The following CDH4 variants were observed in gnomAD, a reference collection of about 807,000 sequenced individuals.
CDH4 encodes cadherin-4.
A neutral mutation model predicts 86.0 loss-of-function variants in CDH4; 33 were observed. The ratio of observed to expected loss-of-function variants is 0.38; its 90% confidence interval spans 0.29 to 0.51. The LOEUF (loss-of-function observed/expected upper bound fraction) is 0.51. Ranked by LOEUF, CDH4 falls within the 20% of genes least tolerant of loss-of-function variation. The probability of loss-of-function intolerance (pLI) is 0.86; values close to 1 mark genes in which losing one functional copy is unlikely to be tolerated. For missense variants in CDH4, 1,114 were observed against 1,307.4 expected, an observed-to-expected ratio of 0.85 and a Z score of 2.28; for synonymous variants, 555 against 549.4, an observed-to-expected ratio of 1.01 and a Z score of -0.14.
intron 2 of CDH4, among the ~76,000 whole-genome samples, chr20:61,361,230 G>C (rs1301455831): frequency 2.0e-5 from 3 of 152,148 alleles, no homozygotes; most frequent in Non-Finnish European, 4.4e-5. Context: ...TTGCTCTGGA[G>C]ACCCTGCTAG....
At chr20:61,590,954 C>T (rs936936222) in intron 2 of CDH4, among the ~76,000 whole-genome samples, 5 of 151,954 alleles carry the variant, frequency 3.3e-5, no homozygotes, top group Admixed American at 2.6e-4. Context: ...GTCTCCACCG[C>T]CAATGCTGAG....
chr20:61,329,088 C>T (rs1283784393), intron 2 of CDH4, among the ~76,000 whole-genome samples: 2 of 152,184 alleles, frequency 1.3e-5, no homozygotes, highest in Non-Finnish European at 2.9e-5. Context: ...ATTTATTGAA[C>T]GCTGCACTGA....
chr20:61,654,356 G>C lies in CDH4; in HGVS notation c.170-89207G>C, dbSNP rs1287246372. On this transcript the variant is annotated intron_variant, in intron 2 of 15. Transcript: ENST00000614565. ...AGGAGAATCAGGCAGGGAGGTTGCA[G>C]TGAGCCGAGATGGCAGCAGTACAGT... 3.9e-5 allele frequency among the ~76,000 whole-genome samples: 6 copies of C among 152,238 alleles called. No homozygotes were observed. In the East Asian group the frequency reaches 1.2e-3, roughly 29 times the overall value.
At chr20:61,742,612 T>G (rs6061787) in intron 2 of CDH4, among the ~76,000 whole-genome samples, 42,588 of 151,924 alleles carry the variant, frequency 0.28, 6,576 homozygotes, top group African/African-American at 0.42. Context: ...TAAATAGGAG[T>G]TAACTTTATC....
chr20:61,606,008 CTCTGGGCAAT>C (rs1458813212), intron 2 of CDH4, among the ~76,000 whole-genome samples: 8 of 152,148 alleles, frequency 5.3e-5, no homozygotes, highest in African/African-American at 1.9e-4. Flanking sequence ...GGAGCCAAAC[CTCTGGGCAAT>C]GCTGGGCAAT....
intron 2 of CDH4, among the ~76,000 whole-genome samples, chr20:61,452,262 G>T (rs2085385127): frequency 6.6e-6 from 1 of 152,166 alleles, no homozygotes; most frequent in South Asian, 2.1e-4. Context: ...TCTCGTGTCA[G>T]AAAATTATAT....
intron 2 of CDH4, among the ~76,000 whole-genome samples, chr20:61,412,877 G>A (rs1600953820): frequency 6.6e-6 from 1 of 152,192 alleles, no homozygotes; most frequent in Non-Finnish European, 1.5e-5. Flanking sequence ...AAACCCCAGG[G>A]TCAAGCCCTG....
intron 2 of CDH4, among the ~76,000 whole-genome samples, chr20:61,385,583 T>C (rs10211691): frequency 0.25 from 37,468 of 151,940 alleles, 4,999 homozygotes; most frequent in African/African-American, 0.34. Context: ...TGCCCTACCA[T>C]ATTGCCAAAC....
chr20:61,836,876 G>A (rs1452519313), intron 4 of CDH4, among the ~76,000 whole-genome samples: 1 of 152,212 alleles, frequency 6.6e-6, no homozygotes, highest in East Asian at 1.9e-4. Flanking sequence ...TCTAGTCCAG[G>A]ACCTTGGAGA....
chr20:61,768,394 A>G (rs1048846517), intron 3 of CDH4, among the ~76,000 whole-genome samples: 2 of 152,192 alleles, frequency 1.3e-5, no homozygotes, highest in East Asian at 3.9e-4. Context: ...ACATGTGTGC[A>G]TAGCGCCTGT....
At position 61,636,519 on chromosome 20, in the gene CDH4, G is replaced by A. The variant is rs556365309; in HGVS notation, c.170-107044G>A. Among the ~76,000 whole-genome samples, 24 of 152,316 alleles carry A rather than the reference G, an allele frequency of 1.6e-4. No individual in the cohort carries two copies. In the East Asian group the frequency reaches 4.4e-3, roughly 28 times the overall value. On this transcript the variant is annotated intron_variant, in intron 2 of 15. Transcript: ENST00000614565. Reference sequence around the variant, plus strand: ...TGGAACATCAATCCCTGTTCCCGTCGCAGGGCTGTCCCCGGCAGCCTTGCT... The same window carrying A: ...TGGAACATCAATCCCTGTTCCCGTCACAGGGCTGTCCCCGGCAGCCTTGCT...
chr20:61,787,098 TCATC>T (rs113099172), intron 4 of CDH4, among the ~76,000 whole-genome samples: 397 of 151,654 alleles, frequency 2.6e-3, no homozygotes, highest in African/African-American at 8.9e-3. Flanking sequence ...CATCCATCCA[TCATC>T]CATCCATCCA....
At chr20:61,685,156 G>GT (rs2087560619) in intron 2 of CDH4, among the ~76,000 whole-genome samples, 1 of 152,168 alleles carries the variant, frequency 6.6e-6, no homozygotes, top group African/African-American at 2.4e-5. Context: ...TCTAGTCTGG[G>GT]TATTTGCTAC....
chr20:61,615,954 A>G (rs1038632652), intron 2 of CDH4, among the ~76,000 whole-genome samples: 3 of 152,172 alleles, frequency 2.0e-5, no homozygotes, highest in African/African-American at 7.2e-5. Context: ...TGAGAGGCCA[A>G]GAGAGCAGAG....
rs1294672453 is a variant in CDH4 at position 61,296,276 on chromosome 20, C to CATGG, written c.169+41339_169+41340insATGG. Among the ~76,000 whole-genome samples, 215 of 53,750 alleles carry CATGG rather than the reference C, an allele frequency of 4.0e-3. 6 individuals carry two copies. In the East Asian group the frequency reaches 0.088, roughly 22 times the overall value. The allele number at this position is 53,750 out of a possible 152,430, so 35.3% of individuals were successfully genotyped here. A position where few individuals can be genotyped will look rare whatever the true frequency, so the allele number is the denominator to read the frequency against. ...GTGCATGTGTGCGTGTGTGTGTGTG[C>CATGG]GTGGGTGCGTGTGTGTGTGTGCGTG... On this transcript the variant is annotated intron_variant, in intron 2 of 15. Coordinates refer to ENST00000614565, the MANE Select transcript of CDH4 (RefSeq NM_001794.5).
chr20:61,608,736 G>A (rs927339462), intron 2 of CDH4, among the ~76,000 whole-genome samples: 2 of 152,242 alleles, frequency 1.3e-5, no homozygotes, highest in African/African-American at 4.8e-5. Context: ...TGTGGTTGGT[G>A]GTGGTGGTCA....
chr20:61,418,017 C>T (rs2085156200), intron 2 of CDH4, among the ~76,000 whole-genome samples: 1 of 151,980 alleles, frequency 6.6e-6, no homozygotes. Flanking sequence ...AGACAGATCA[C>T]AAGCAGAAGT....
chr20:61,887,331 C>T (rs772569336), intron 7 of CDH4, among the ~76,000 whole-genome samples: 1 of 152,320 alleles, frequency 6.6e-6, no homozygotes, highest in South Asian at 2.1e-4. Flanking sequence ...AGCCAGGAGA[C>T]ACCCCTGCCC....
chr20:61,317,847 C>T (rs528409844), intron 2 of CDH4, among the ~76,000 whole-genome samples: 37 of 152,288 alleles, frequency 2.4e-4, no homozygotes, highest in Middle Eastern at 3.4e-3. Context: ...TGAATTTGCA[C>T]GAGTTTCCTC....
Sources: allele counts gnomAD v4.1 joint callset (sites outside exome capture counted in the v4.1 genomes callset), GRCh38; gene constraint gnomAD v4.1.1; transcripts MANE v1.5; gene names NCBI Gene and HGNC (gene_info 2026-07-23, HGNC 2026-07-21).